The following ATP13A4 variants were observed in gnomAD, a reference collection of about 807,000 sequenced individuals.
ATP13A4 encodes ATPase 13A4.
Under a neutral mutation model 142.5 loss-of-function variants are expected in ATP13A4, and 114 were observed. That is an observed-to-expected ratio of 0.80 (90% CI 0.69 to 0.93). ATP13A4 has a LOEUF of 0.93. Among genes scored for constraint, ATP13A4 ranks in the 40% least tolerant of loss-of-function variants. The pLI is 0.00. For synonymous variants in ATP13A4, 488 were observed against 514.8 expected (o/e 0.95, Z 0.70); for missense variants, 1,392 against 1,454.0 (o/e 0.96, Z 0.69).
chr3:193,464,967 T>A lies in ATP13A4; in HGVS notation c.1434A>T (p.Gly478=). 1 of 1,614,098 alleles carries A rather than the reference T, an allele frequency of 6.2e-7. No individual in the cohort carries two copies. Residue 478 remains glycine, a synonymous_variant, in exon 12 of 30, where the codon GGA becomes GGT. Transcript: ENST00000342695. ...CISPQRINVC[G]QLNLVCFDKT... is the part of the protein sequence containing the mutation. ...TGTCAAAGCAGACAAGGTTTAACTG[T>A]CCACATACGTTGATCCTCTGGGGGC...
chr3:193,577,907 A>G (rs562836843), intron 2 of ATP13A4, among the ~76,000 whole-genome samples: 2 of 152,246 alleles, frequency 1.3e-5, no homozygotes, highest in Non-Finnish European at 2.9e-5. Context: ...AATTAAAAAC[A>G]CTTCAATCTC....
intron 18 of ATP13A4, among the ~76,000 whole-genome samples, chr3:193,444,295 T>G (rs566604754): frequency 2.0e-5 from 3 of 152,314 alleles, no homozygotes; most frequent in South Asian, 4.1e-4. Flanking sequence ...TGACTTCATC[T>G]TTCACTTTGA....
intron 7 of ATP13A4, among the ~76,000 whole-genome samples, chr3:193,488,191 G>C (rs1458333323): frequency 6.6e-6 from 1 of 152,178 alleles, no homozygotes; most frequent in Non-Finnish European, 1.5e-5. Flanking sequence ...TTGAACCTAG[G>C]AGGCAGAGGT....
chr3:193,502,752 T>A, intron 2 of ATP13A4, 113 bp from the exon 3 acceptor site: 1 of 1,147,840 alleles, frequency 8.7e-7, no homozygotes, highest in Admixed American at 1.8e-5. Context: ...CGTTAGTGAA[T>A]ATTCTAGACA....
intron 9 of ATP13A4, among the ~76,000 whole-genome samples, chr3:193,470,460 C>T (rs1451929930): frequency 2.0e-5 from 3 of 152,174 alleles, no homozygotes; most frequent in Non-Finnish European, 4.4e-5. Context: ...CAGGATGTCA[C>T]TGATGATTTT....
At chr3:193,521,226 A>G (rs1339368652) in intron 1 of ATP13A4, among the ~76,000 whole-genome samples, 1 of 152,234 alleles carries the variant, frequency 6.6e-6, no homozygotes, top group Non-Finnish European at 1.5e-5. Flanking sequence ...TAAAATAACT[A>G]TAATTCAGGG....
chr3:193,460,938 C>T (rs1446996108), intron 13 of ATP13A4, among the ~76,000 whole-genome samples: 2 of 152,204 alleles, frequency 1.3e-5, no homozygotes, highest in East Asian at 3.8e-4. Flanking sequence ...TCACCTTTAA[C>T]AAGAAGGTAT....
chr3:193,531,413 AGGAAGGAG>A (rs201662320), intron 1 of ATP13A4, among the ~76,000 whole-genome samples: 6,687 of 149,560 alleles, frequency 0.045, 217 homozygotes, highest in African/African-American at 0.089. Context: ...AAAGGAAGGA[AGGAAGGAG>A]GGAAGGAGGG....
intron 23 of ATP13A4, among the ~76,000 whole-genome samples, chr3:193,437,932 C>T (rs1716390396): frequency 6.7e-6 from 1 of 150,196 alleles, no homozygotes; most frequent in Non-Finnish European, 1.5e-5. Flanking sequence ...CCCAGGTTCA[C>T]ACCATTCTCC....
intron 1 of ATP13A4, among the ~76,000 whole-genome samples, chr3:193,587,544 C>T (rs897319879): frequency 6.6e-6 from 1 of 152,156 alleles, no homozygotes; most frequent in African/African-American, 2.4e-5. Context: ...AGGTAACATT[C>T]ACAAGTTCCA....
intron 1 of ATP13A4, among the ~76,000 whole-genome samples, chr3:193,525,643 A>G (rs1483966384): frequency 6.6e-6 from 1 of 152,174 alleles, no homozygotes; most frequent in Non-Finnish European, 1.5e-5. Flanking sequence ...AGGTAATCCT[A>G]CTAATAATTA....
In ATP13A4 at chr3:193,568,781, T is replaced by C. The variant is rs573167696; in HGVS notation, n.291+12926A>G. 4.6e-5 allele frequency among the ~76,000 whole-genome samples: 7 copies of C among 152,202 alleles called. No homozygotes were observed. In the South Asian group the frequency reaches 1.5e-3, roughly 32 times the overall value. On this transcript the variant is annotated intron_variant and non_coding_transcript_variant, in intron 2 of 3. Transcript: ENST00000489140. ...AAAAAATTAATGAGGATGGGTCAAA[T>C]GGGTACAAGAGAAACTGAAGGAGCT...
At chr3:193,555,710 T>C (rs1360488400), upstream of ATP13A4, among the ~76,000 whole-genome samples, 5 of 152,164 alleles carry the variant, frequency 3.3e-5, no homozygotes, top group African/African-American at 1.2e-4. Context: ...GATTCAAACA[T>C]CCAAACAAAT....
At chr3:193,589,381 A>G (rs1724723562) in intron 1 of ATP13A4, among the ~76,000 whole-genome samples, 1 of 152,164 alleles carries the variant, frequency 6.6e-6, no homozygotes, top group South Asian at 2.1e-4. Context: ...GGAAACCACA[A>G]AGAGTAGTGT....
chr3:193,552,815 C>A (rs1357886468), intron 1 of ATP13A4, among the ~76,000 whole-genome samples: 2 of 152,198 alleles, frequency 1.3e-5, no homozygotes, highest in East Asian at 3.8e-4. Flanking sequence ...GCATCAATTT[C>A]CTCATCTTTA....
chr3:193,466,173 G>C lies in ATP13A4; in HGVS notation c.1124C>G (p.Thr375Ser), dbSNP rs1436941886. 1.9e-6 allele frequency: 3 copies of C among 1,613,796 alleles called. No homozygotes were observed. Among genetic ancestry groups the C allele is most frequent in the Admixed American group, 1.7e-5 (1 of 59,992 alleles). Residue 375 changes from threonine to serine, a missense_variant, in exon 11 of 30, where the codon ACT becomes AGT. Physicochemically the swap from Thr to Ser is moderately conservative, Grantham distance 58 (BLOSUM62 1). Transcript: ENST00000342695. ...RAVVLQTGFNTAKGDLVRSIL... is the reference protein window; with the variant it reads ...RAVVLQTGFNSAKGDLVRSIL... ...GGATCTCACAAGGTCTCCCTTTGCA[G>C]TGTTGAATCCTGGAACAACAAACAC...
chr3:193,409,531 A>T (rs1439856588), intron 28 of ATP13A4, among the ~76,000 whole-genome samples: 4 of 152,164 alleles, frequency 2.6e-5, no homozygotes, highest in Non-Finnish European at 5.9e-5. Flanking sequence ...GTGACATTCA[A>T]CTCACCACAT....
chr3:193,533,262 T>G (rs1370669094), intron 1 of ATP13A4, among the ~76,000 whole-genome samples: 6 of 152,106 alleles, frequency 3.9e-5, no homozygotes, highest in Non-Finnish European at 7.4e-5. Context: ...TTTCCACCTC[T>G]GGAAACAAGT....
intron 13 of ATP13A4, 133 bp downstream of exon 13, chr3:193,462,626 AAAG>A (rs1241919605): frequency 7.4e-6 from 6 of 812,626 alleles, no homozygotes; most frequent in Non-Finnish European, 1.2e-5. Context: ...TGAGAAGTTA[AAAG>A]AAGATACTTT....
Sources: allele counts gnomAD v4.1 joint callset (sites outside exome capture counted in the v4.1 genomes callset), GRCh38; gene constraint gnomAD v4.1.1; transcripts MANE v1.5; gene names NCBI Gene and HGNC (gene_info 2026-07-23, HGNC 2026-07-21).